ULK4: variants seen among roughly 807,000 people sequenced by gnomAD.
The protein encoded by ULK4 is unc-51 like kinase 4.
A neutral mutation model predicts 160.6 loss-of-function variants in ULK4; 133 were observed. The observed-to-expected ratio is 0.83, with a 90% CI of 0.72 to 0.96. The LOEUF (loss-of-function observed/expected upper bound fraction) is 0.96, where lower values mean the gene tolerates loss of function less well. Ranked by LOEUF, ULK4 falls within the 40% of genes least tolerant of loss-of-function variation. The pLI is 0.00. For synonymous variants in ULK4, 534 were observed against 539.8 expected (o/e 0.99, Z 0.15); for missense variants, 1,580 against 1,499.5 (o/e 1.05, Z -0.89).
At chr3:41,950,572 A>G (rs1189397329) in intron 2 of ULK4, among the ~76,000 whole-genome samples, 1 of 151,710 alleles carries the variant, frequency 6.6e-6, no homozygotes, top group Non-Finnish European at 1.5e-5. Flanking sequence ...TATCTTTTGC[A>G]GGGACACATT....
Position 41,851,542 on chromosome 3 carries a change from T to C in ULK4, c.1657-15571A>G, listed in dbSNP as rs555916557. 3.6e-4 allele frequency among the ~76,000 whole-genome samples: 55 copies of C among 152,300 alleles called. No homozygotes were observed. The East Asian group carries it at 0.011, about 29-fold the overall frequency. On this transcript the variant is annotated intron_variant, in intron 17 of 36. Transcript: ENST00000301831. The stretch of plus-strand genomic sequence containing the variant: ...GGGATATTGGTCTAAAATTCTCTTT[T>C]TTGGTTGTGTCTCTGCCAGGCTTTG...
At chr3:41,849,746 G>C (rs149693481) in intron 17 of ULK4, among the ~76,000 whole-genome samples, 16 of 152,270 alleles carry the variant, frequency 1.1e-4, no homozygotes, top group African/African-American at 3.8e-4. Context: ...TGTGAGGGCA[G>C]GGGTATATGA....
chr3:41,598,438 G>C (rs1380593079), intron 31 of ULK4, among the ~76,000 whole-genome samples: 1 of 152,162 alleles, frequency 6.6e-6, no homozygotes, highest in Admixed American at 6.5e-5. Flanking sequence ...CAATCTTCCA[G>C]AGCATGCGAG....
At chr3:41,784,481 T>C (rs1304377649) in intron 21 of ULK4, among the ~76,000 whole-genome samples, 1 of 152,078 alleles carries the variant, frequency 6.6e-6, no homozygotes, top group Admixed American at 6.6e-5. Context: ...TGGAAAAAGG[T>C]GGTTTTTTAC....
At chr3:41,427,994 GA>G (rs2082816115) in intron 34 of ULK4, among the ~76,000 whole-genome samples, 1 of 152,180 alleles carries the variant, frequency 6.6e-6, no homozygotes, top group African/African-American at 2.4e-5. Context: ...TCTGTTTACA[GA>G]TGACATAATC....
chr3:41,263,445 G>A (rs2078980511), intron 35 of ULK4, among the ~76,000 whole-genome samples: 2 of 152,254 alleles, frequency 1.3e-5, no homozygotes, highest in East Asian at 3.9e-4. Flanking sequence ...GTAGAGCCAT[G>A]TCAAGTCAAC....
intron 5 of ULK4, among the ~76,000 whole-genome samples, 156 bp from the exon 6 acceptor site, chr3:41,919,974 A>C (rs1250929521): frequency 2.0e-5 from 3 of 152,252 alleles, no homozygotes; most frequent in African/African-American, 7.2e-5. Flanking sequence ...AATGTTTTCT[A>C]ATTTTAAGGT....
rs906902239 is a variant in ULK4 at position 41,313,704 on chromosome 3, C to A, written c.3679-64130G>T. 4.6e-5 allele frequency among the ~76,000 whole-genome samples: 7 copies of A among 151,898 alleles called. No individual in the cohort carries two copies. In the East Asian group the frequency reaches 1.3e-3, roughly 29 times the overall value. On this transcript the variant is annotated intron_variant, in intron 35 of 36. Coordinates refer to ENST00000301831, the MANE Select transcript of ULK4 (RefSeq NM_017886.4). ...TACTAAGGTGCTGCTTTAGTTAAAC[C>A]ATATAATTTTATTTCTTCAGTTCTA...
intron 31 of ULK4, among the ~76,000 whole-genome samples, chr3:41,604,074 A>G (rs2032251775): frequency 6.6e-6 from 1 of 152,094 alleles, no homozygotes; most frequent in Non-Finnish European, 1.5e-5. Context: ...TGAAAATGGA[A>G]GGTTCAGAAA....
intron 21 of ULK4, among the ~76,000 whole-genome samples, chr3:41,775,502 G>T (rs1004139611): frequency 6.7e-6 from 1 of 149,156 alleles, no homozygotes; most frequent in Non-Finnish European, 1.5e-5. Context: ...AGTTTCAAGC[G>T]ATTCTCCTGC....
chr3:41,675,623 C>T (rs9812436), intron 29 of ULK4, among the ~76,000 whole-genome samples: 5,695 of 152,038 alleles, frequency 0.037, 364 homozygotes, highest in African/African-American at 0.13. Flanking sequence ...AAAAAAAGAT[C>T]ATCCTGGATT....
intron 1 of ULK4, among the ~76,000 whole-genome samples, chr3:41,958,837 T>A (rs1450498314): frequency 6.6e-6 from 1 of 152,174 alleles, no homozygotes; most frequent in Non-Finnish European, 1.5e-5. Context: ...TTACAGACCT[T>A]ATGGTTTCTG....
intron 19 of ULK4, among the ~76,000 whole-genome samples, chr3:41,817,406 G>A (rs1303081857): frequency 6.6e-6 from 1 of 152,066 alleles, no homozygotes; most frequent in Non-Finnish European, 1.5e-5. Context: ...CAAAGAAAAT[G>A]TAGTACATAT....
At chr3:41,793,335 T>A (rs2040206442) in intron 20 of ULK4, among the ~76,000 whole-genome samples, 1 of 152,154 alleles carries the variant, frequency 6.6e-6, no homozygotes. Context: ...TAAAAGCAGT[T>A]TCCAAGAAAC....
chr3:41,704,900 G>A (rs979893436), intron 27 of ULK4, among the ~76,000 whole-genome samples, 157 bp downstream of exon 27: 4 of 152,088 alleles, frequency 2.6e-5, no homozygotes, highest in Admixed American at 2.0e-4. Flanking sequence ...AAAGGGAAGG[G>A]ATTTCCTATG....
chr3:41,305,693 G>A (rs375014953), intron 35 of ULK4, among the ~76,000 whole-genome samples: 22,283 of 149,294 alleles, frequency 0.15, 2,019 homozygotes, highest in African/African-American at 0.24. Context: ...CGTCTGGGAT[G>A]TGAGGAGCCC....
At chr3:41,844,467 C>T (rs963700717) in intron 17 of ULK4, among the ~76,000 whole-genome samples, 9 of 152,184 alleles carry the variant, frequency 5.9e-5, no homozygotes, top group South Asian at 2.1e-4. Flanking sequence ...GAGTGCAGGG[C>T]GCGCCAAGCC....
At chr3:41,901,171 TC>T (rs1262638145) in intron 12 of ULK4, among the ~76,000 whole-genome samples, 61 of 73,214 alleles carry the variant, frequency 8.3e-4, no homozygotes, top group African/African-American at 1.9e-3. Context: ...CAGCATGGCT[TC>T]TTTTTTTTTT....
chr3:41,725,359 T>G (rs1194322833), intron 22 of ULK4, among the ~76,000 whole-genome samples: 1 of 152,184 alleles, frequency 6.6e-6, no homozygotes, highest in Non-Finnish European at 1.5e-5. Context: ...TATCGTTTAT[T>G]ATAAAACCCA....
Sources: allele counts gnomAD v4.1 joint callset (sites outside exome capture counted in the v4.1 genomes callset), GRCh38; gene constraint gnomAD v4.1.1; transcripts MANE v1.5; gene names NCBI Gene and HGNC (gene_info 2026-07-23, HGNC 2026-07-21).